Variants in ZMYND11 observed in about 807,000 individuals in gnomAD.
ZMYND11 encodes the protein zinc finger MYND domain-containing protein 11.
A neutral mutation model predicts 84.9 loss-of-function variants in ZMYND11; 9 were observed. The observed-to-expected ratio is 0.11, with a 90% CI of 0.06 to 0.18. The LOEUF is 0.18. ZMYND11 is among the 10% of genes least tolerant of loss of function. The pLI is 1.00. For synonymous variants in ZMYND11, 250 were observed against 244.1 expected (o/e 1.02, Z -0.23); for missense variants, 409 against 761.0 (o/e 0.54, Z 5.44).
chr10:242,541 T>TTACAATGTGTG (rs1951214062), intron 10 of ZMYND11, among the ~76,000 whole-genome samples: 1 of 152,210 alleles, frequency 6.6e-6, no homozygotes, highest in South Asian at 2.1e-4. Context: ...TCTTGTGATC[T>TTACAATGTGTG]TACAATGTGT....
At chr10:192,391 G>C (rs992334742) in intron 2 of ZMYND11, among the ~76,000 whole-genome samples, 10 of 152,156 alleles carry the variant, frequency 6.6e-5, no homozygotes, top group South Asian at 6.2e-4. Flanking sequence ...TTACAGTCTA[G>C]AATAACTTGA....
intron 1 of ZMYND11, among the ~76,000 whole-genome samples, chr10:158,412 C>T (rs1388494095): frequency 7.0e-6 from 1 of 142,552 alleles, no homozygotes. Flanking sequence ...TTGTCTTTTC[C>T]TTTTTTTTTT....
At chr10:215,715 A>G (rs1407559115) in intron 3 of ZMYND11, among the ~76,000 whole-genome samples, 2 of 151,138 alleles carry the variant, frequency 1.3e-5, no homozygotes, top group East Asian at 1.9e-4. Context: ...GCACTACCAC[A>G]CCCAGCTAAT....
chr10:170,787 T>G (rs782030876), intron 1 of ZMYND11, among the ~76,000 whole-genome samples: 1 of 151,996 alleles, frequency 6.6e-6, no homozygotes, highest in Non-Finnish European at 1.5e-5. Context: ...GAAATAAGAA[T>G]AACAAAGTCA....
chr10:238,425 T>C (rs908153320), intron 6 of ZMYND11, among the ~76,000 whole-genome samples: 23 of 152,074 alleles, frequency 1.5e-4, no homozygotes, highest in African/African-American at 4.1e-4. Context: ...GGTGTGATCT[T>C]GGCTCACTGC....
Position 247,415 on chromosome 10 carries a change from A to G in ZMYND11, c.1176A>G (p.Glu392=). ...TSNEQLKVTQ[E]PRAKKGRRNQ... is the part of the protein sequence containing the mutation. The stretch of plus-strand genomic sequence containing the variant: ...GCCCACAGCTAAAGGTCACTCAAGA[A>G]CCAAGAGCAAAGAAAGGACGACGTA... The change falls in exon 12 of 15, where the codon GAA becomes GAG. Residue 392 remains glutamate, a synonymous_variant. Coordinates refer to ENST00000381604, the MANE Select transcript of ZMYND11 (RefSeq NM_001370100.5). 1 of 1,614,170 alleles carries G rather than the reference A, an allele frequency of 6.2e-7. No homozygotes were observed. Among genetic ancestry groups the G allele is most frequent in the Non-Finnish European group, 8.5e-7 (1 of 1,180,006 alleles).
intron 1 of ZMYND11, among the ~76,000 whole-genome samples, chr10:174,709 T>C (rs1238122928): frequency 0.026 from 2,717 of 105,020 alleles, 75 homozygotes; most frequent in African/African-American, 0.089. Context: ...AACCCATGAG[T>C]ACTACAGTGG....
At chr10:203,410 T>C (rs990981870) in intron 2 of ZMYND11, among the ~76,000 whole-genome samples, 3 of 152,126 alleles carry the variant, frequency 2.0e-5, no homozygotes, top group Admixed American at 6.6e-5. Context: ...ACAAATCTTA[T>C]GGATACAAAT....
intron 1 of ZMYND11, among the ~76,000 whole-genome samples, chr10:172,469 G>A (rs370476120): frequency 1.3e-5 from 2 of 152,238 alleles, no homozygotes; most frequent in East Asian, 1.9e-4. Context: ...ATGAACAAGT[G>A]TAATGTGAAA....
At chr10:199,237 C>T (rs1002361587) in intron 2 of ZMYND11, among the ~76,000 whole-genome samples, 1 of 151,504 alleles carries the variant, frequency 6.6e-6, no homozygotes, top group Non-Finnish European at 1.5e-5. Flanking sequence ...CTCTCTCTCT[C>T]CCTTCCCCCC....
intron 4 of ZMYND11, among the ~76,000 whole-genome samples, chr10:223,054 G>C (rs1327890885): frequency 1.4e-5 from 2 of 146,662 alleles, no homozygotes; most frequent in South Asian, 2.1e-4. Flanking sequence ...TTCTGAGACT[G>C]AGTCTCTCTC....
At chr10:240,501 TCAAAA>T (rs906075045) in intron 8 of ZMYND11, among the ~76,000 whole-genome samples, 11 of 152,326 alleles carry the variant, frequency 7.2e-5, no homozygotes, top group South Asian at 6.2e-4. Flanking sequence ...AGATTCTGTC[TCAAAA>T]CAAAACAAAA....
chr10:226,443 T>C (rs2436028), intron 4 of ZMYND11, among the ~76,000 whole-genome samples: 135,117 of 152,192 alleles, frequency 0.89, 61,162 homozygotes, highest in Non-Finnish European at 0.97. Context: ...GGTTTGAAAG[T>C]AGGCCCCTAT....
chr10:173,309 T>G (rs1845805915), intron 1 of ZMYND11, among the ~76,000 whole-genome samples: 1 of 152,130 alleles, frequency 6.6e-6, no homozygotes, highest in Non-Finnish European at 1.5e-5. Flanking sequence ...AATTTAATAC[T>G]TTTGTTCTGT....
intron 11 of ZMYND11, among the ~76,000 whole-genome samples, 183 bp from the exon 12 acceptor site, chr10:247,215 G>A (rs1453228997): frequency 9.2e-5 from 14 of 152,184 alleles, no homozygotes; most frequent in Admixed American, 9.2e-4. Flanking sequence ...CTGAAGGTGC[G>A]CTGGCTCTTT....
At chr10:166,939 G>A (rs982296639) in intron 1 of ZMYND11, among the ~76,000 whole-genome samples, 19 of 152,116 alleles carry the variant, frequency 1.2e-4, no homozygotes, top group African/African-American at 3.9e-4. Flanking sequence ...GTACTGGCAC[G>A]TGCAACAAAA....
At chr10:238,073 G>A (rs913064147) in intron 6 of ZMYND11, among the ~76,000 whole-genome samples, 5 of 152,100 alleles carry the variant, frequency 3.3e-5, no homozygotes, top group East Asian at 1.9e-4. Flanking sequence ...CTGATCTGCC[G>A]TCTTGGGAAA....
Position 252,515 on chromosome 10 carries a change from C to A in ZMYND11, c.*45C>A. ...CACCCCGATGATTACTCTTTTCAGA[C>A]ACAGCGGTTTTTGTTTCCAAGAAGC... is the stretch of plus-strand genomic sequence containing the variant. On this transcript the variant is annotated 3_prime_UTR_variant, in exon 15 of 15. Coordinates refer to ENST00000381604, the MANE Select transcript of ZMYND11 (RefSeq NM_001370100.5). The surrounding 1 kb of genome is among the most constrained non-coding windows in gnomAD (Gnocchi z 4.6). 6.4e-7 allele frequency: 1 copy of A among 1,558,420 alleles called. No individual in the cohort carries two copies.
intron 10 of ZMYND11, among the ~76,000 whole-genome samples, chr10:242,570 C>A (rs1021068499): frequency 6.6e-6 from 1 of 151,976 alleles, no homozygotes; most frequent in African/African-American, 2.4e-5. Flanking sequence ...CTGAAGCGTG[C>A]GTGGAAATAA....
Sources: allele counts gnomAD v4.1 joint callset (sites outside exome capture counted in the v4.1 genomes callset), GRCh38; gene constraint gnomAD v4.1.1; non-coding constraint Gnocchi (gnomAD v3.1); transcripts MANE v1.5; gene names NCBI Gene and HGNC (gene_info 2026-07-23, HGNC 2026-07-21).